ATP6V0A4: variants seen among roughly 807,000 people sequenced by gnomAD.
The protein encoded by ATP6V0A4 is ATPase H+ transporting V0 subunit a4.
In ATP6V0A4, 86 loss-of-function variants were observed where a neutral mutation model predicts 107.3. The observed-to-expected ratio is 0.80, with a 90% confidence interval of 0.67 to 0.96. The LOEUF (loss-of-function observed/expected upper bound fraction) is 0.96, where lower values mean the gene tolerates loss of function less well. ATP6V0A4 is among the 40% of genes least tolerant of loss of function. The pLI is 0.00. For synonymous variants in ATP6V0A4, 353 were observed against 381.4 expected (o/e 0.93, Z 0.87); for missense variants, 908 against 1,045.6 (o/e 0.87, Z 1.81).
At chr7:138,746,421 AT>A (rs1191307579) in intron 13 of ATP6V0A4, among the ~76,000 whole-genome samples, 1 of 152,086 alleles carries the variant, frequency 6.6e-6, no homozygotes, top group Non-Finnish European at 1.5e-5. Context: ...GGAAAACTAT[AT>A]TGGTCACAGG....
At chr7:138,797,467 C>T (rs1251306094) in intron 1 of ATP6V0A4, among the ~76,000 whole-genome samples, 1 of 151,884 alleles carries the variant, frequency 6.6e-6, no homozygotes, top group Non-Finnish European at 1.5e-5. Flanking sequence ...ATCCACCTGC[C>T]TCAGCCTCCC....
chr7:138,722,108 T>C, intron 18 of ATP6V0A4, 83 bp from the exon 19 acceptor site: 1 of 1,573,616 alleles, frequency 6.4e-7, no homozygotes. Context: ...AAGGCTCTCC[T>C]CAAATACTAC....
intron 19 of ATP6V0A4, among the ~76,000 whole-genome samples, chr7:138,718,462 TGGGGGGGA>T (rs1436344328): frequency 3.9e-5 from 1 of 25,920 alleles, no homozygotes; most frequent in African/African-American, 1.9e-4. Flanking sequence ...CAGGAAGGAA[TGGGGGGGA>T]TGGCGGGGAG....
chr7:138,785,648 T>G (rs114979657), intron 2 of ATP6V0A4, among the ~76,000 whole-genome samples: 346 of 152,114 alleles, frequency 2.3e-3, no homozygotes, highest in African/African-American at 8.2e-3. Flanking sequence ...CAATATGCAC[T>G]CATAAACAAA....
At chr7:138,735,777 T>G (rs926805487) in intron 15 of ATP6V0A4, among the ~76,000 whole-genome samples, 6 of 152,230 alleles carry the variant, frequency 3.9e-5, no homozygotes, top group African/African-American at 1.4e-4. Context: ...GCGGGTCTGC[T>G]AGTACACTTT....
chr7:138,765,735 GGTTTTTGTTTTTGTTTTT>G (rs57065960), intron 5 of ATP6V0A4, among the ~76,000 whole-genome samples: 40 of 151,350 alleles, frequency 2.6e-4, no homozygotes, highest in Admixed American at 2.5e-3. Context: ...TTATGCTGGT[GGTTTTTGTTTTTGTTTTT>G]GTTTTTGTTT....
At chr7:138,794,903 T>A (rs200687982) in intron 1 of ATP6V0A4, among the ~76,000 whole-genome samples, 1 of 150,014 alleles carries the variant, frequency 6.7e-6, no homozygotes, top group African/African-American at 2.5e-5. Flanking sequence ...CCCTATTTTT[T>A]TTTTTTTTTT....
At chr7:138,766,206 T>A (rs2353842) in intron 5 of ATP6V0A4, among the ~76,000 whole-genome samples, 108,157 of 148,916 alleles carry the variant, frequency 0.73, 39,570 homozygotes, top group African/African-American at 0.82. Context: ...TATTATTATT[T>A]TTTTTTTTTT....
chr7:138,750,237 C>T (rs762333628), intron 11 of ATP6V0A4, among the ~76,000 whole-genome samples: 1 of 152,098 alleles, frequency 6.6e-6, no homozygotes, highest in Non-Finnish European at 1.5e-5. Context: ...CTCTCTTCTC[C>T]ACTTGCTCAA....
At chr7:138,776,208 A>C (rs1807651418) in intron 2 of ATP6V0A4, among the ~76,000 whole-genome samples, 1 of 152,240 alleles carries the variant, frequency 6.6e-6, no homozygotes, top group South Asian at 2.1e-4. Flanking sequence ...ATCAAACTTT[A>C]GGCTGGGAAG....
intron 19 of ATP6V0A4, among the ~76,000 whole-genome samples, chr7:138,718,921 ATG>A (rs1028990011): frequency 7.9e-5 from 12 of 152,214 alleles, no homozygotes; most frequent in African/African-American, 2.9e-4. Flanking sequence ...GTGGTGGCTC[ATG>A]CCTGTAATCC....
At chr7:138,778,896 T>C (rs962691512) in intron 2 of ATP6V0A4, among the ~76,000 whole-genome samples, 3 of 152,176 alleles carry the variant, frequency 2.0e-5, no homozygotes, top group Non-Finnish European at 2.9e-5. Flanking sequence ...CCCCCGATCA[T>C]TGATGGTGAA....
intron 7 of ATP6V0A4, among the ~76,000 whole-genome samples, chr7:138,760,436 C>A (rs1806745999): frequency 7.9e-6 from 1 of 125,942 alleles, no homozygotes. Flanking sequence ...AAGGGTGAAA[C>A]TCTGTCTCAA....
chr7:138,742,352 G>A (rs753388836), intron 14 of ATP6V0A4, among the ~76,000 whole-genome samples: 1 of 151,978 alleles, frequency 6.6e-6, no homozygotes, highest in African/African-American at 2.4e-5. Context: ...GCTAGAACCC[G>A]GGAGGCAGAC....
chr7:138,733,948 G>T (rs542943951), intron 16 of ATP6V0A4, among the ~76,000 whole-genome samples, 188 bp downstream of exon 16: 3 of 152,014 alleles, frequency 2.0e-5, no homozygotes, highest in Admixed American at 6.6e-5. Context: ...CTCTGCTCAG[G>T]AGAAACGGAG....
In ATP6V0A4 at chr7:138,798,134, C is replaced by T; in HGVS notation, c.-221G>A. On this transcript the variant is annotated 5_prime_UTR_variant, in exon 1 of 22. Coordinates refer to ENST00000310018, the MANE Select transcript of ATP6V0A4 (RefSeq NM_020632.3). Reference sequence around the variant, plus strand: ...AGCGCCTCCCCGCTGCCACCCGGGCCACCCTGATCCTCAGCCTGGCCTTTG... The same window carrying T: ...AGCGCCTCCCCGCTGCCACCCGGGCTACCCTGATCCTCAGCCTGGCCTTTG... The T allele has an allele frequency of 6.2e-7, 1 of 1,601,864 alleles. No homozygotes were observed. The highest frequency in any genetic ancestry group is 8.5e-7 in the Non-Finnish European group (1 of 1,174,856).
Position 138,762,335 on chromosome 7 carries a change from C to A in ATP6V0A4, c.512+5G>T. ...GACCCATCTACACACAAGAATTACA[C>A]TAACCCCAACTTTCCGGTCATATAT... is the stretch of plus-strand genomic sequence containing the variant. On this transcript the variant is annotated splice_donor_5th_base_variant and intron_variant, in intron 7 of 21. Coordinates refer to ENST00000310018, the MANE Select transcript of ATP6V0A4 (RefSeq NM_020632.3). 2 of 1,614,192 alleles carry A rather than the reference C, an allele frequency of 1.2e-6. No individual in the cohort carries two copies. The highest frequency in any genetic ancestry group is 1.7e-6 in the Non-Finnish European group (2 of 1,180,038).
At position 138,709,877 on chromosome 7, in the gene ATP6V0A4, A is replaced by T. The variant is rs567261438; in HGVS notation, c.2258-82T>A. ...GTATTTTCTCATCTTTTTAATTAAAAATATATATATATTTTAAATAGAGAC... is the reference window on the plus strand; with the variant it reads ...GTATTTTCTCATCTTTTTAATTAAATATATATATATATTTTAAATAGAGAC... On this transcript the variant is annotated intron_variant, in intron 20 of 21. Coordinates refer to ENST00000310018, the MANE Select transcript of ATP6V0A4 (RefSeq NM_020632.3). The T allele has an allele frequency of 3.7e-5, 52 of 1,412,560 alleles. No individual in the cohort carries two copies. In the Middle Eastern group the frequency reaches 7.1e-4, roughly 19 times the overall value. 87.5% of individuals were successfully genotyped at this position (1,412,560 alleles called of 1,614,324 possible). A position where few individuals can be genotyped will look rare whatever the true frequency, so the allele number is the denominator to read the frequency against.
At chr7:138,784,753 A>T (rs1808105489) in intron 2 of ATP6V0A4, among the ~76,000 whole-genome samples, 1 of 152,180 alleles carries the variant, frequency 6.6e-6, no homozygotes, top group Non-Finnish European at 1.5e-5. Context: ...CCAAACAAAC[A>T]TTGCTTTTGA....
Sources: gnomAD v4.1 joint callset for allele counts (sites outside exome capture counted in the v4.1 genomes callset) on GRCh38, gnomAD v4.1.1 for gene constraint, MANE v1.5 for transcripts, NCBI Gene and HGNC (gene_info 2026-07-23, HGNC 2026-07-21) for gene names.